CEP85L: variants seen among roughly 807,000 people sequenced by gnomAD.
CEP85L encodes centrosomal protein 85L.
Under a neutral mutation model 100.3 loss-of-function variants are expected in CEP85L, and 60 were observed. The ratio of observed to expected loss-of-function variants is 0.60; its 90% CI spans 0.49 to 0.74. The LOEUF (loss-of-function observed/expected upper bound fraction) is 0.74. Ranked by LOEUF, CEP85L falls within the 30% of genes least tolerant of loss-of-function variation. The pLI is 0.00. For missense variants in CEP85L, 973 were observed against 936.2 expected, an observed-to-expected ratio of 1.04 and a Z score of -0.51; for synonymous variants, 319 against 322.7, an observed-to-expected ratio of 0.99 and a Z score of 0.12.
chr6:118,600,370 T>TGTGTGTGTGTGGGTGG, intron 2 of CEP85L, among the ~76,000 whole-genome samples: 1 of 86,368 alleles, frequency 1.2e-5, no homozygotes, highest in Non-Finnish European at 2.6e-5. Flanking sequence ...TGTGTGTGTG[T>TGTGTGTGTGTGGGTGG]AACGCCATGG....
At chr6:118,613,277 T>C (rs1301704629) in intron 2 of CEP85L, among the ~76,000 whole-genome samples, 1 of 151,934 alleles carries the variant, frequency 6.6e-6, no homozygotes, top group Non-Finnish European at 1.5e-5. Flanking sequence ...CCTGCAGACA[T>C]CTAACAAATA....
rs71012395 is a variant in CEP85L at position 118,612,498 on chromosome 6, C to CAA, written c.232+19953_232+19954dup. ...TGAAACCCTGTCTCTACTAAAAATACAAAAAAAAAAAAAATTAGCCAGGCA... is the reference window on the plus strand; with the variant it reads ...TGAAACCCTGTCTCTACTAAAAATACAAAAAAAAAAAAAAAATTAGCCAGGCA... On this transcript the variant is annotated intron_variant, in intron 2 of 12. Coordinates refer to ENST00000368491, the MANE Select transcript of CEP85L (RefSeq NM_001042475.3). 3.1e-3 allele frequency among the ~76,000 whole-genome samples: 424 copies of CAA among 135,892 alleles called. 7 individuals are homozygous for CAA. In the East Asian group the frequency reaches 0.048, roughly 15 times the overall value. The allele number at this position is 135,892 out of a possible 152,430, so 89.2% of individuals were successfully genotyped here. A position where few individuals can be genotyped will look rare whatever the true frequency, so the allele number is the denominator to read the frequency against.
intron 2 of CEP85L, among the ~76,000 whole-genome samples, chr6:118,600,301 GTGT>G (rs1363115316): frequency 0.052 from 1,584 of 30,400 alleles, 374 homozygotes; most frequent in Non-Finnish European, 0.067. Flanking sequence ...CTTCCTGGGG[GTGT>G]GTGTGTGTGT....
chr6:118,609,771 A>G (rs1404413045), intron 2 of CEP85L, among the ~76,000 whole-genome samples: 2 of 150,944 alleles, frequency 1.3e-5, no homozygotes, highest in African/African-American at 2.4e-5. Flanking sequence ...ACCAGGATTG[A>G]AAAAAAAACG....
chr6:118,635,199 T>C (rs193012400), intron 1 of CEP85L, among the ~76,000 whole-genome samples: 19 of 152,346 alleles, frequency 1.2e-4, no homozygotes, highest in African/African-American at 4.6e-4. Flanking sequence ...CTGACAGCAC[T>C]GCTTAAAGTA....
At chr6:118,647,310 TA>T (rs1775267144) in intron 1 of CEP85L, among the ~76,000 whole-genome samples, 1 of 152,234 alleles carries the variant, frequency 6.6e-6, no homozygotes, top group South Asian at 2.1e-4. Flanking sequence ...TCGCACACTA[TA>T]AAAGTATAAT....
upstream of CEP85L, among the ~76,000 whole-genome samples, chr6:118,654,352 CAAAAATATA>C (rs1479716260): frequency 6.6e-6 from 1 of 151,980 alleles, no homozygotes; most frequent in Non-Finnish European, 1.5e-5. Context: ...TTTATATTTA[CAAAAATATA>C]AAATATATAA....
At chr6:118,551,874 A>G (rs1347841700) in intron 3 of CEP85L, among the ~76,000 whole-genome samples, 2 of 152,016 alleles carry the variant, frequency 1.3e-5, no homozygotes, top group Non-Finnish European at 2.9e-5. Flanking sequence ...AAATGACTCC[A>G]CTGGAGTGAA....
intron 3 of CEP85L, among the ~76,000 whole-genome samples, chr6:118,544,636 C>T (rs905714358): frequency 3.9e-5 from 6 of 152,126 alleles, no homozygotes; most frequent in African/African-American, 1.4e-4. Flanking sequence ...ATGCTCTTCT[C>T]CACCCCTCAT....
At chr6:118,680,704 C>G (rs1210723002) in intron 1 of CEP85L, among the ~76,000 whole-genome samples, 1 of 130,072 alleles carries the variant, frequency 7.7e-6, no homozygotes, top group African/African-American at 2.8e-5. Flanking sequence ...TGGCAAAACC[C>G]TGCCTCTACA....
chr6:118,666,488 T>C (rs1435812808), intron 1 of CEP85L, among the ~76,000 whole-genome samples: 1 of 152,222 alleles, frequency 6.6e-6, no homozygotes, highest in African/African-American at 2.4e-5. Context: ...TCAATACCTA[T>C]TGAATGTTTA....
intron 6 of CEP85L, among the ~76,000 whole-genome samples, chr6:118,487,075 A>G (rs1332961671): frequency 2.6e-5 from 4 of 152,176 alleles, no homozygotes; most frequent in Admixed American, 2.6e-4. Context: ...AAAAGAATAA[A>G]ATGCTATAAG....
intron 2 of CEP85L, among the ~76,000 whole-genome samples, chr6:118,588,043 T>C (rs1196598883): frequency 6.6e-6 from 1 of 152,242 alleles, no homozygotes; most frequent in Admixed American, 6.5e-5. Flanking sequence ...ATAGCTGCAG[T>C]AGTTCTCAAC....
intron 1 of CEP85L, among the ~76,000 whole-genome samples, chr6:118,686,330 T>C (rs560997302): frequency 2.6e-4 from 40 of 152,272 alleles, no homozygotes; most frequent in African/African-American, 9.1e-4. Flanking sequence ...TTTTAGAACA[T>C]TTCTCTCACT....
intron 2 of CEP85L, among the ~76,000 whole-genome samples, chr6:118,624,545 C>T (rs1464661565): frequency 6.6e-6 from 1 of 152,262 alleles, no homozygotes; most frequent in East Asian, 1.9e-4. Context: ...CTAGTGCATA[C>T]TCTCCTCCCC....
intron 2 of CEP85L, among the ~76,000 whole-genome samples, chr6:118,580,391 G>A (rs145420011): frequency 1.5e-3 from 236 of 152,278 alleles, no homozygotes; most frequent in African/African-American, 5.3e-3. Context: ...TTATACAAGC[G>A]AGCTTAAAAT....
chr6:118,472,054 A>G (rs1457951213), intron 10 of CEP85L, among the ~76,000 whole-genome samples: 2 of 151,932 alleles, frequency 1.3e-5, no homozygotes, highest in South Asian at 2.1e-4. Context: ...AACAAAAAAA[A>G]AACTAAACTC....
At chr6:118,654,422 A>G (rs534937209), upstream of CEP85L, among the ~76,000 whole-genome samples, 1 of 152,354 alleles carries the variant, frequency 6.6e-6, no homozygotes, top group East Asian at 1.9e-4. Flanking sequence ...ACCAATAACA[A>G]TTGAAATAGT....
intron 1 of CEP85L, among the ~76,000 whole-genome samples, chr6:118,706,310 T>C (rs1461806132): frequency 6.6e-6 from 1 of 152,216 alleles, no homozygotes; most frequent in Non-Finnish European, 1.5e-5. Flanking sequence ...TATCCTGAAA[T>C]GCAGATGGAG....
Sources: gnomAD v4.1 joint callset for allele counts (sites outside exome capture counted in the v4.1 genomes callset) on GRCh38, gnomAD v4.1.1 for gene constraint, MANE v1.5 for transcripts, NCBI Gene and HGNC (gene_info 2026-07-23, HGNC 2026-07-21) for gene names.